ECM2: variants seen among roughly 807,000 people sequenced by gnomAD.
ECM2 encodes extracellular matrix protein 2, female organ and adipocyte specific.
ECM2 carries 57 observed loss-of-function variants against 67.5 expected under a neutral mutation model. That is an observed-to-expected ratio of 0.84 (90% CI 0.68 to 1.05). The LOEUF is 1.05. Among genes scored for constraint, ECM2 ranks in the 50% least tolerant of loss-of-function variants. ECM2 has a pLI of 0.00. For synonymous variants in ECM2, 258 were observed against 294.5 expected (o/e 0.88, Z 1.27); for missense variants, 741 against 822.8 (o/e 0.90, Z 1.22).
chr9:92,550,410 T>C, the ECM2 span, among the ~76,000 whole-genome samples: 1 of 148,434 alleles, frequency 6.7e-6, no homozygotes, highest in African/African-American at 2.5e-5. Context: ...AAAAAAATGG[T>C]GTCATTGGAG....
At chr9:92,513,472 A>C (rs566363950) in intron 4 of ECM2, among the ~76,000 whole-genome samples, 1 of 152,208 alleles carries the variant, frequency 6.6e-6, no homozygotes, top group African/African-American at 2.4e-5. Flanking sequence ...ATGAACACTT[A>C]GGTCCACACA....
chr9:92,551,560 G>A, the ECM2 span, among the ~76,000 whole-genome samples: 1 of 151,862 alleles, frequency 6.6e-6, no homozygotes, highest in Non-Finnish European at 1.5e-5. Context: ...GGGTACAGAT[G>A]GTATTTGGTT....
At chr9:92,528,355 T>G (rs556828352) in intron 1 of ECM2, among the ~76,000 whole-genome samples, 4 of 152,148 alleles carry the variant, frequency 2.6e-5, no homozygotes, top group Non-Finnish European at 5.9e-5. Flanking sequence ...GTTGAAAAGA[T>G]ACAGCTGGAA....
chr9:92,544,962 T>C, the ECM2 span, among the ~76,000 whole-genome samples: 1 of 152,138 alleles, frequency 6.6e-6, no homozygotes, highest in Non-Finnish European at 1.5e-5. Flanking sequence ...CCTCAGGTGA[T>C]CCACCCGCCT....
chr9:92,495,773 T>G lies in ECM2; in HGVS notation c.*542A>C. ...AGTGTTTTAATTTTACACATGTAAT[T>G]AATGGAAGAAATGAAAGCTACCCCA... On this transcript the variant is annotated 3_prime_UTR_variant, in exon 10 of 10. Coordinates refer to ENST00000344604, the MANE Select transcript of ECM2 (RefSeq NM_001393.4). The G allele has an allele frequency of 1.1e-6, 1 of 945,978 alleles. No individual in the cohort carries two copies. Among genetic ancestry groups the G allele is most frequent in the Non-Finnish European group, 1.3e-6 (1 of 794,122 alleles). 58.6% of individuals were successfully genotyped at this position (945,978 alleles called of 1,614,324 possible).
At chr9:92,502,946 TACAGGTATGCGCCATGAAGCCTGGCTA>T (rs746648334) in intron 7 of ECM2, among the ~76,000 whole-genome samples, 12 of 151,638 alleles carry the variant, frequency 7.9e-5, no homozygotes, top group Non-Finnish European at 1.8e-4. Context: ...TGACTGAGAC[TACAGGTATGCGCCATGAAGCCTGGCTA>T]ATTTTTGTAT....
intron 2 of ECM2, among the ~76,000 whole-genome samples, chr9:92,520,833 T>G (rs1848021202): frequency 6.6e-6 from 1 of 152,220 alleles, no homozygotes; most frequent in African/African-American, 2.4e-5. Context: ...TTAAAAACAT[T>G]ATACTAAGTA....
chr9:92,505,633 A>G lies in ECM2; in HGVS notation c.1364T>C (p.Val455Ala), dbSNP rs1317836539. 41 of 1,609,376 alleles carry G rather than the reference A, an allele frequency of 2.5e-5. No homozygotes were observed. Among genetic ancestry groups the G allele is most frequent in the Non-Finnish European group, 3.4e-5 (40 of 1,178,686 alleles). The change falls in exon 7 of 10, where the codon GTC becomes GCC. Residue 455 changes from valine (V) to alanine (A), a missense_variant. Physicochemically the swap from Val to Ala is moderately conservative, Grantham distance 64 (BLOSUM62 0). Coordinates refer to ENST00000344604, the MANE Select transcript of ECM2 (RefSeq NM_001393.4). Reference protein sequence around the residue: ...LEGNNLSEANVNPLAFKPLKS... With the variant: ...LEGNNLSEANANPLAFKPLKS... ...CAAAGGTTTGAAAGCTAAAGGATTG[A>G]CATTGGCTTCACTGAGATTGTTTCC...
At chr9:92,494,061 TTTGATTTCCTGC>T, downstream of ECM2, 1 of 1,595,798 alleles carries the variant, frequency 6.3e-7, no homozygotes, top group Non-Finnish European at 8.5e-7. Context: ...TACTTGTCTG[TTTGATTTCCTGC>T]TTATTGCCTC....
At chr9:92,523,937 T>C (rs781036045) in intron 1 of ECM2, among the ~76,000 whole-genome samples, 10 of 152,328 alleles carry the variant, frequency 6.6e-5, no homozygotes, top group Non-Finnish European at 1.3e-4. Context: ...ATGCAGGCAC[T>C]CCATAAGCCT....
At chr9:92,529,358 G>A (rs545229395) in intron 1 of ECM2, among the ~76,000 whole-genome samples, 19 of 152,288 alleles carry the variant, frequency 1.2e-4, no homozygotes, top group African/African-American at 4.6e-4. Flanking sequence ...GTGCTGGTGG[G>A]AATGCAAAAT....
At chr9:92,525,814 C>T (rs765470655) in intron 1 of ECM2, among the ~76,000 whole-genome samples, 7 of 146,928 alleles carry the variant, frequency 4.8e-5, no homozygotes, top group Admixed American at 3.5e-4. Context: ...CGCTTAAACC[C>T]GGGAGGCGGA....
the ECM2 span, among the ~76,000 whole-genome samples, chr9:92,549,686 C>A: frequency 6.6e-6 from 1 of 151,666 alleles, no homozygotes; most frequent in African/African-American, 2.4e-5. Context: ...AGATGACATT[C>A]TATTGAGAAT....
intron 1 of ECM2, among the ~76,000 whole-genome samples, chr9:92,527,035 G>T (rs2131264018): frequency 6.6e-6 from 1 of 152,176 alleles, no homozygotes; most frequent in East Asian, 1.9e-4. Flanking sequence ...TAGAGACAGG[G>T]TCTGGCTCTG....
At chr9:92,533,328 A>AAAAAATATATATAT (rs1554683138) in intron 1 of ECM2, among the ~76,000 whole-genome samples, 7 of 38,332 alleles carry the variant, frequency 1.8e-4, no homozygotes, top group East Asian at 1.5e-3. Flanking sequence ...AAAAAAAAAA[A>AAAAAATATATATAT]ATATATATAT....
At chr9:92,507,299 ACTG>A (rs1847065056) in intron 6 of ECM2, among the ~76,000 whole-genome samples, 2 of 152,256 alleles carry the variant, frequency 1.3e-5, no homozygotes, top group East Asian at 3.8e-4. Context: ...AACTAAAGGT[ACTG>A]AGAATCTGAC....
chr9:92,499,661 A>G (rs1409985189), intron 9 of ECM2, among the ~76,000 whole-genome samples: 3 of 152,222 alleles, frequency 2.0e-5, no homozygotes, highest in Non-Finnish European at 4.4e-5. Flanking sequence ...AAAAATTTTG[A>G]AACTGAATTT....
the ECM2 span, among the ~76,000 whole-genome samples, chr9:92,546,466 G>A: frequency 1.3e-5 from 2 of 152,174 alleles, no homozygotes; most frequent in Non-Finnish European, 1.5e-5. Context: ...CGCTCCTGAA[G>A]CCAGCGAGTC....
the ECM2 span, among the ~76,000 whole-genome samples, chr9:92,554,440 C>T: frequency 6.6e-6 from 1 of 152,204 alleles, no homozygotes; most frequent in Middle Eastern, 3.2e-3. Context: ...GCATCACCCT[C>T]CCAAAGTGCT....
Sources: gnomAD v4.1 joint callset for allele counts (sites outside exome capture counted in the v4.1 genomes callset) on GRCh38, gnomAD v4.1.1 for gene constraint, MANE v1.5 for transcripts, NCBI Gene and HGNC (gene_info 2026-07-23, HGNC 2026-07-21) for gene names.